The following ZNF827 variants were observed in gnomAD, a reference collection of about 807,000 sequenced individuals.
ZNF827 encodes the protein zinc finger protein 827.
A neutral mutation model predicts 102.4 loss-of-function variants in ZNF827; 13 were observed. That is an observed-to-expected ratio of 0.13 (90% confidence interval 0.08 to 0.20). ZNF827 has a LOEUF of 0.20. Ranked by LOEUF, ZNF827 falls within the 10% of genes least tolerant of loss-of-function variation. ZNF827 has a pLI of 1.00. For synonymous variants in ZNF827, 523 were observed against 536.2 expected, an observed-to-expected ratio of 0.98 and a Z score of 0.34; for missense variants, 1,103 against 1,344.4, an observed-to-expected ratio of 0.82 and a Z score of 2.81.
At chr4:145,791,543 T>A (rs1004565345) in intron 8 of ZNF827, among the ~76,000 whole-genome samples, 10 of 152,196 alleles carry the variant, frequency 6.6e-5, no homozygotes, top group Non-Finnish European at 2.9e-5. Flanking sequence ...TTACCAGTAA[T>A]AATAAGTAGC....
chr4:145,816,675 C>T (rs1315242916), intron 8 of ZNF827, among the ~76,000 whole-genome samples: 1 of 152,190 alleles, frequency 6.6e-6, no homozygotes, highest in Admixed American at 6.5e-5. Flanking sequence ...AATCCTTAGC[C>T]TCAAGTAACA....
intron 8 of ZNF827, among the ~76,000 whole-genome samples, chr4:145,804,152 C>T (rs190938670): frequency 6.6e-6 from 1 of 152,330 alleles, no homozygotes; most frequent in Admixed American, 6.5e-5. Flanking sequence ...CGTGTGTACA[C>T]ACAGAAGTGA....
chr4:145,780,780 TATC>T, intron 8 of ZNF827, among the ~76,000 whole-genome samples: 1 of 152,234 alleles, frequency 6.6e-6, no homozygotes, highest in East Asian at 1.9e-4. Flanking sequence ...ACTAAGTTAA[TATC>T]TTGTCTTTTA....
intron 1 of ZNF827, among the ~76,000 whole-genome samples, chr4:145,929,033 T>C (rs931317778): frequency 1.3e-5 from 2 of 152,234 alleles, no homozygotes; most frequent in Admixed American, 6.5e-5. Context: ...GATTTTTATA[T>C]GAAACCTCCG....
intron 1 of ZNF827, among the ~76,000 whole-genome samples, chr4:145,908,039 G>C (rs574570344): frequency 1.3e-5 from 2 of 152,070 alleles, no homozygotes; most frequent in Non-Finnish European, 2.9e-5. Context: ...CTGCATTCTC[G>C]GTAGAGAATG....
chr4:145,811,812 C>T (rs544731996), intron 8 of ZNF827, among the ~76,000 whole-genome samples: 1 of 152,196 alleles, frequency 6.6e-6, no homozygotes, highest in African/African-American at 2.4e-5. Flanking sequence ...AACTGGCCAT[C>T]GCTAAAATAA....
At chr4:145,889,934 G>A (rs1750459827) in intron 3 of ZNF827, among the ~76,000 whole-genome samples, 1 of 149,456 alleles carries the variant, frequency 6.7e-6, no homozygotes, top group African/African-American at 2.5e-5. Context: ...CCAAGATGGC[G>A]CCACTGCACT....
chr4:145,935,024 AC>A, intron 1 of ZNF827, among the ~76,000 whole-genome samples: 1 of 152,312 alleles, frequency 6.6e-6, no homozygotes, highest in African/African-American at 2.4e-5. Flanking sequence ...GGCTTCAAAA[AC>A]AGTTTTGCCC....
At chr4:145,842,041 A>G (rs1466870677) in intron 7 of ZNF827, among the ~76,000 whole-genome samples, 2 of 152,236 alleles carry the variant, frequency 1.3e-5, no homozygotes, top group Non-Finnish European at 1.5e-5. Context: ...ATAAAACATC[A>G]TAAATCATTA....
chr4:145,908,066 C>T lies in ZNF827; in HGVS notation c.44-4851G>A, dbSNP rs138967675. 3.6e-3 allele frequency among the ~76,000 whole-genome samples: 549 copies of T among 152,246 alleles called. 3 individuals are homozygous for T. Among genetic ancestry groups the T allele is most frequent in the Middle Eastern group, 6.8e-3 (2 of 294 alleles). ...TAGAGAATGTCTTTTCAACTCACTTCCTTTTTGGTTTGACAGTTTTAATCA... is the reference window on the plus strand; with the variant it reads ...TAGAGAATGTCTTTTCAACTCACTTTCTTTTTGGTTTGACAGTTTTAATCA... On this transcript the variant is annotated intron_variant, in intron 1 of 14. Transcript: ENST00000508784.
rs768577102 is a variant in ZNF827 at position 145,885,931 on chromosome 4, C to T, written c.1494G>A (p.Val498=). ...QQREGGGTEL[V]GTMMTSNTPE... is the part of the protein sequence containing the mutation. ...GAGTGTTAGACGTCATCATGGTCCC[C>T]ACTAGCTCTGTCCCTCCTCCTTCCC... Residue 498 remains valine, a synonymous_variant, in exon 4 of 15, where the codon GTG becomes GTA. Transcript: ENST00000508784. 9 of 1,614,078 alleles carry T rather than the reference C, an allele frequency of 5.6e-6. No individual in the cohort carries two copies. Among genetic ancestry groups the T allele is most frequent in the Non-Finnish European group, 6.8e-6 (8 of 1,180,032 alleles).
chr4:145,913,425 C>CAAAAAA (rs775706430), intron 1 of ZNF827, among the ~76,000 whole-genome samples: 3 of 73,316 alleles, frequency 4.1e-5, no homozygotes, highest in South Asian at 6.1e-4. Flanking sequence ...GACCCTGTCT[C>CAAAAAA]AAAAAAAAAA....
chr4:145,876,839 C>T (rs1290757293), intron 4 of ZNF827: 1 of 152,180 alleles, frequency 6.6e-6, no homozygotes, highest in Non-Finnish European at 1.5e-5. Flanking sequence ...AGCTTATACT[C>T]TTCTTTAATT....
At position 145,826,336 on chromosome 4, in the gene ZNF827, T is replaced by C. The variant is rs186353949; in HGVS notation, c.2280-2811A>G. On this transcript the variant is annotated intron_variant, in intron 7 of 14. Coordinates refer to ENST00000508784, the MANE Select transcript of ZNF827 (RefSeq NM_001306215.2). ...GTTTCATGTTAAAGTTCTCAGTACA[T>C]AGTACATGCTCAATAAAAAACAGCA... Among the ~76,000 whole-genome samples the C allele has an allele frequency of 3.0e-4, 45 of 152,332 alleles. No individual in the cohort carries two copies. The East Asian group carries it at 6.4e-3, about 22-fold the overall frequency.
intron 3 of ZNF827, 25 bp from the exon 4 acceptor site, chr4:145,886,183 G>A (rs925989237): frequency 6.4e-7 from 1 of 1,557,646 alleles, no homozygotes; most frequent in Non-Finnish European, 8.7e-7. Flanking sequence ...AGAAGAATGA[G>A]CTAGCCACCG....
chr4:145,817,934 A>G (rs565440487), intron 8 of ZNF827, among the ~76,000 whole-genome samples: 59 of 152,332 alleles, frequency 3.9e-4, no homozygotes, highest in Admixed American at 1.1e-3. Context: ...TGATCCATTA[A>G]AAACTACTGA....
At chr4:145,779,632 G>A in intron 8 of ZNF827, 121 bp from the exon 9 acceptor site, 3 of 1,328,552 alleles carry the variant, frequency 2.3e-6, no homozygotes, top group Non-Finnish European at 2.1e-6. Context: ...AATTGCAAAT[G>A]AGTCTCCGTA....
intron 4 of ZNF827, among the ~76,000 whole-genome samples, chr4:145,871,014 T>C (rs1054138121): frequency 1.3e-5 from 2 of 152,142 alleles, no homozygotes; most frequent in Non-Finnish European, 2.9e-5. Context: ...TACTGATCCA[T>C]AAACAGTGGG....
intron 10 of ZNF827, 114 bp downstream of exon 10, chr4:145,775,675 C>T: frequency 3.9e-6 from 5 of 1,283,978 alleles, no homozygotes; most frequent in Non-Finnish European, 5.4e-6. Flanking sequence ...AAATGAAGGC[C>T]AGGCTATGAC....
Sources: gnomAD v4.1 joint callset for allele counts (sites outside exome capture counted in the v4.1 genomes callset) on GRCh38, gnomAD v4.1.1 for gene constraint, MANE v1.5 for transcripts, NCBI Gene and HGNC (gene_info 2026-07-23, HGNC 2026-07-21) for gene names.